KIF7: variants seen among roughly 807,000 people sequenced by gnomAD.
The protein encoded by KIF7 is kinesin-like protein KIF7.
Under a neutral mutation model 135.7 loss-of-function variants are expected in KIF7, and 104 were observed. The observed-to-expected ratio is 0.77, with a 90% CI of 0.65 to 0.90. KIF7 has a LOEUF of 0.90. KIF7 is among the 40% of genes least tolerant of loss of function. The probability of loss-of-function intolerance (pLI) is 0.00; values close to 1 mark genes in which losing one functional copy is unlikely to be tolerated. For synonymous variants in KIF7, 883 were observed against 809.4 expected (o/e 1.09, Z -1.54); for missense variants, 2,005 against 1,839.1 (o/e 1.09, Z -1.65).
downstream of KIF7, chr15:89,623,977 C>T (rs549006371): frequency 6.6e-5 from 107 of 1,613,932 alleles, no homozygotes; most frequent in South Asian, 1.0e-3. Context: ...TCCAGAAAGC[C>T]CCTCCTGTCC....
chr15:89,620,765 C>T (rs188705396), intron 1 of KIF7, among the ~76,000 whole-genome samples: 22 of 152,280 alleles, frequency 1.4e-4, no homozygotes, highest in Admixed American at 1.1e-3. Context: ...CTCTGTTGCC[C>T]AGGCTGGAGT....
In KIF7 at chr15:89,646,975, G is replaced by T; in HGVS notation, c.1643C>A (p.Pro548Gln). 6.2e-7 allele frequency: 1 copy of T among 1,613,292 alleles called. No individual in the cohort carries two copies. The highest frequency in any genetic ancestry group is 8.5e-7 in the Non-Finnish European group (1 of 1,179,732). The change falls in exon 7 of 19, where the codon CCG (proline) becomes CAG (glutamine). Residue 548 changes from proline (P) to glutamine (Q), a missense_variant. Pro to Gln is a moderately conservative substitution (Grantham distance 76, BLOSUM62 -1). Coordinates refer to ENST00000394412, the MANE Select transcript of KIF7 (RefSeq NM_198525.3). Reference sequence around the variant, plus strand: ...GGGAGGCAGGCCATTCAGGAGCCGCGGGCCCCCCCAGCCTGGCCGCACCAG... The same window carrying T: ...GGGAGGCAGGCCATTCAGGAGCCGCTGGCCCCCCCAGCCTGGCCGCACCAG... ...LELVRPGWGG[P>Q]RLLNGLPPGS...
At chr15:89,634,980 G>C (rs1963773194) in intron 11 of KIF7, among the ~76,000 whole-genome samples, 1 of 152,240 alleles carries the variant, frequency 6.6e-6, no homozygotes, top group Admixed American at 6.5e-5. Flanking sequence ...CTGGAGACCT[G>C]AGAACAGGCA....
At chr15:89,631,423 C>CA (rs1481941497) in intron 15 of KIF7, 72 bp downstream of exon 15, 1 of 1,360,902 alleles carries the variant, frequency 7.3e-7, no homozygotes, top group Non-Finnish European at 1.0e-6. Flanking sequence ...AGGGCTGGAG[C>CA]AAGGGCTGAG....
At position 89,648,104 on chromosome 15, in the gene KIF7, A is replaced by G. The variant is rs1353702863; in HGVS notation, c.1443+151T>C. 4.5e-6 allele frequency: 6 copies of G among 1,332,294 alleles called. No individual in the cohort carries two copies. The East Asian group carries it at 1.1e-4, about 25-fold the overall frequency. 82.5% of individuals were successfully genotyped at this position (1,332,294 alleles called of 1,614,324 possible). A position where few individuals can be genotyped will look rare whatever the true frequency, so the allele number is the denominator to read the frequency against. On this transcript the variant is annotated intron_variant, in intron 5 of 18. Transcript: ENST00000394412. The stretch of plus-strand genomic sequence containing the variant: ...GAGACTCGGTGAAGTTAAGGAAGTG[A>G]CCACGGTAATCAGCAGAAGTGACCG...
upstream of KIF7, among the ~76,000 whole-genome samples, chr15:89,659,774 T>C (rs1230778527): frequency 6.6e-6 from 1 of 152,228 alleles, no homozygotes; most frequent in African/African-American, 2.4e-5. Flanking sequence ...AGCAACCACT[T>C]TGAATGGCAA....
chr15:89,623,634 G>A (rs768623550), downstream of KIF7: 2 of 1,606,968 alleles, frequency 1.2e-6, no homozygotes, highest in South Asian at 1.1e-5. Flanking sequence ...CTCCCAAGAA[G>A]AGTCACCAGA....
At chr15:89,640,652 G>A (rs1435764853) in intron 11 of KIF7, among the ~76,000 whole-genome samples, 1 of 151,964 alleles carries the variant, frequency 6.6e-6, no homozygotes, top group Non-Finnish European at 1.5e-5. Context: ...AAGGGTGGGA[G>A]GGACAGATGG....
chr15:89,633,281 C>T lies in KIF7; in HGVS notation c.2593-15G>A, dbSNP rs868126776. The T allele has an allele frequency of 1.9e-6, 3 of 1,552,848 alleles. No homozygotes were observed. The highest frequency in any genetic ancestry group is 1.4e-5 in the African/African-American group (1 of 73,816). On this transcript the variant is annotated splice_polypyrimidine_tract_variant and intron_variant, in intron 12 of 18. Coordinates refer to ENST00000394412, the MANE Select transcript of KIF7 (RefSeq NM_198525.3). ...AGCTCCAGCTCCTGGGTGAGGAGCTCAGTGGGCAGGGCTGTTTATGGTGCC... is the reference window on the plus strand; with the variant it reads ...AGCTCCAGCTCCTGGGTGAGGAGCTTAGTGGGCAGGGCTGTTTATGGTGCC...
intron 6 of KIF7, 98 bp downstream of exon 6, chr15:89,647,498 C>T (rs967713023): frequency 2.8e-6 from 3 of 1,075,228 alleles, no homozygotes; most frequent in African/African-American, 1.5e-5. Context: ...CCCCGCAGTA[C>T]CCTACCCTAA....
intron 15 of KIF7, chr15:89,630,981 G>T: frequency 4.1e-6 from 1 of 241,570 alleles, no homozygotes; most frequent in Non-Finnish European, 8.2e-6. Context: ...GTAGGCAGTT[G>T]TTAACCATGG....
chr15:89,646,017 T>C lies in KIF7; in HGVS notation c.1798A>G (p.Asn600Asp), dbSNP rs765678770. The change falls in exon 8 of 19, where the codon AAT becomes GAT. Residue 600 changes from asparagine to aspartate, a missense_variant. Coordinates refer to ENST00000394412, the MANE Select transcript of KIF7 (RefSeq NM_198525.3). Reference protein sequence around the residue: ...GSEQRGEQVTNGREAGAELLT... With the variant: ...GSEQRGEQVTDGREAGAELLT... ...AACTCAGCTCCAGCCTCCCTGCCAT[T>C]TGTCACCTGCTAGGGGAGTGAGCCA... 6.2e-7 allele frequency: 1 copy of C among 1,613,880 alleles called. No individual in the cohort carries two copies. The highest frequency in any genetic ancestry group is 8.5e-7 in the Non-Finnish European group (1 of 1,179,974).
rs532236421 is a variant in KIF7 at position 89,629,282 on chromosome 15, G to A, written c.3517+93C>T. On this transcript the variant is annotated intron_variant, in intron 17 of 18. Coordinates refer to ENST00000394412, the MANE Select transcript of KIF7 (RefSeq NM_198525.3). ...TGCAGGGGCTGTGAGTGGCAGGGGC[G>A]GTGGGGGGAGGGAGGGGGGTGCAGG... 640 of 1,192,950 alleles carry A rather than the reference G, an allele frequency of 5.4e-4. 3 individuals are homozygous for A. Among genetic ancestry groups the A allele is most frequent in the African/African-American group, 4.5e-3 (269 of 60,122 alleles). The allele number at this position is 1,192,950 out of a possible 1,614,324, so 73.9% of individuals were successfully genotyped here.
chr15:89,629,527 G>A lies in KIF7; in HGVS notation c.3365C>T (p.Ser1122Leu), dbSNP rs202195179. 2.6e-5 allele frequency: 42 copies of A among 1,610,384 alleles called. No individual in the cohort carries two copies. In the East Asian group the frequency reaches 4.7e-4, roughly 18 times the overall value. ...CTCCTCCAGCTGCATCTCCAGTTCCGAGAAGGCAATCTGCTGCTGGTGCTG... is the reference window on the plus strand; with the variant it reads ...CTCCTCCAGCTGCATCTCCAGTTCCAAGAAGGCAATCTGCTGCTGGTGCTG... ...EEQHQQQIAFSELEMQLEEQQ... is the reference protein window; with the variant it reads ...EEQHQQQIAFLELEMQLEEQQ... The change falls in exon 17 of 19, where the codon TCG becomes TTG. Residue 1122 changes from serine (S) to leucine (L), a missense_variant. Physicochemically the swap from Ser to Leu is moderately radical, Grantham distance 145. Coordinates refer to ENST00000394412, the MANE Select transcript of KIF7 (RefSeq NM_198525.3).
intron 11 of KIF7, 126 bp from the exon 12 acceptor site, chr15:89,634,009 A>G (rs1963746946): frequency 7.1e-6 from 7 of 989,370 alleles, no homozygotes; most frequent in Non-Finnish European, 9.4e-6. Flanking sequence ...ACCAATAATA[A>G]TAACAGAGGC....
At chr15:89,620,968 G>A (rs186681073) in intron 1 of KIF7, among the ~76,000 whole-genome samples, 282 of 151,688 alleles carry the variant, frequency 1.9e-3, no homozygotes, top group African/African-American at 6.5e-3. Context: ...TGATCTGCCC[G>A]CCTCAGCCTC....
chr15:89,630,771 G>C (rs546203298), intron 15 of KIF7: 8 of 529,130 alleles, frequency 1.5e-5, no homozygotes, highest in Non-Finnish European at 2.4e-5. Flanking sequence ...CCAAACAAAA[G>C]GCATGGTTGG....
intron 11 of KIF7, among the ~76,000 whole-genome samples, chr15:89,640,140 TGTG>T (rs961171636): frequency 1.5e-5 from 2 of 133,828 alleles, no homozygotes; most frequent in African/African-American, 5.7e-5. Context: ...TGGGGACTGT[TGTG>T]GGGTGGGGGG....
At chr15:89,632,187 GGCCTCTGCGGGCC>G (rs960631664) in intron 14 of KIF7, among the ~76,000 whole-genome samples, 2 of 152,180 alleles carry the variant, frequency 1.3e-5, no homozygotes, top group African/African-American at 4.8e-5. Context: ...CAAGGCTCCT[GGCCTCTGCGGGCC>G]TAGGACACTG....
Sources: gnomAD v4.1 joint callset for allele counts (sites outside exome capture counted in the v4.1 genomes callset) on GRCh38, gnomAD v4.1.1 for gene constraint, MANE v1.5 for transcripts, NCBI Gene and HGNC (gene_info 2026-07-23, HGNC 2026-07-21) for gene names.